The following PPP2R2A variants were observed in gnomAD, a reference collection of about 807,000 sequenced individuals.
The protein encoded by PPP2R2A is protein phosphatase 2 regulatory subunit Balpha.
PPP2R2A carries 9 observed loss-of-function variants against 53.2 expected under a neutral mutation model. That is an observed-to-expected ratio of 0.17 (90% CI 0.10 to 0.30). The LOEUF is 0.30. PPP2R2A is among the 10% of genes least tolerant of loss of function. The pLI, the probability that PPP2R2A is intolerant of heterozygous loss-of-function variation, is 1.00. For synonymous variants in PPP2R2A, 169 were observed against 174.2 expected, an observed-to-expected ratio of 0.97 and a Z score of 0.23; for missense variants, 235 against 534.6, an observed-to-expected ratio of 0.44 and a Z score of 5.53.
Position 26,362,878 on chromosome 8 carries a change from A to T in PPP2R2A, c.802+30A>T. The T allele has an allele frequency of 6.3e-7, 1 of 1,590,794 alleles. No homozygotes were observed. The highest frequency in any genetic ancestry group is 8.6e-7 in the Non-Finnish European group (1 of 1,162,562). On this transcript the variant is annotated intron_variant, in intron 7 of 9. Transcript: ENST00000380737. The surrounding 1 kb of genome is among the most constrained non-coding windows in gnomAD (Gnocchi z 4.4). ...GTTTATTGTATCTTTCCTTAAAATG[A>T]TTACATATTCTGTTTGTCTGAAATA... is the stretch of plus-strand genomic sequence containing the variant.
At chr8:26,358,095 A>T (rs1804885904) in intron 4 of PPP2R2A, among the ~76,000 whole-genome samples, 1 of 152,122 alleles carries the variant, frequency 6.6e-6, no homozygotes, top group Admixed American at 6.5e-5. Flanking sequence ...TTACTGAAAA[A>T]TGTATCCTAA....
chr8:26,352,851 A>AT (rs911404364), intron 3 of PPP2R2A, among the ~76,000 whole-genome samples: 2 of 152,184 alleles, frequency 1.3e-5, no homozygotes, highest in Admixed American at 6.5e-5. Context: ...GCTTACCTTA[A>AT]TTGTGTAGAC....
intron 2 of PPP2R2A, among the ~76,000 whole-genome samples, chr8:26,323,827 C>G (rs1244247644): frequency 6.6e-6 from 1 of 152,192 alleles, no homozygotes; most frequent in African/African-American, 2.4e-5. Flanking sequence ...GTGATCTGCT[C>G]AGTCTTCAGC....
intron 3 of PPP2R2A, among the ~76,000 whole-genome samples, chr8:26,347,225 CAG>C (rs1175913978): frequency 6.7e-6 from 1 of 149,886 alleles, no homozygotes; most frequent in Non-Finnish European, 1.5e-5. Context: ...AATCTTCTCT[CAG>C]AGAGAAACCA....
chr8:26,350,031 C>G (rs1804413875), intron 3 of PPP2R2A, among the ~76,000 whole-genome samples: 1 of 151,968 alleles, frequency 6.6e-6, no homozygotes, highest in East Asian at 1.9e-4. Context: ...AAATTTAACA[C>G]TTTGTGGGTA....
chr8:26,310,065 G>A (rs558171279), intron 2 of PPP2R2A, among the ~76,000 whole-genome samples: 3 of 149,814 alleles, frequency 2.0e-5, no homozygotes, highest in Non-Finnish European at 4.5e-5. Context: ...GGCGGATCAC[G>A]AGGTCAAGAT....
rs1251770401 is a variant in PPP2R2A at position 26,354,482 on chromosome 8, T to A, written c.195T>A (p.Ser65=). ...FQQEQENKIQ[S]HSRGEYNVYS... ...TTTCATTTTAGAACAAAATCCAGTC[T>A]CATAGCAGAGGAGAATATAATGTTT... Residue 65 remains serine, a synonymous_variant, in exon 4 of 10, where the codon TCT becomes TCA. Coordinates refer to ENST00000380737, the MANE Select transcript of PPP2R2A (RefSeq NM_002717.4). This position sits in a 1 kb window ranked among gnomAD's most constrained non-coding sequence, Gnocchi z 4.6. The A allele has an allele frequency of 6.4e-7, 1 of 1,553,386 alleles. No individual in the cohort carries two copies. Among genetic ancestry groups the A allele is most frequent in the Admixed American group, 1.9e-5 (1 of 52,752 alleles).
chr8:26,343,906 A>G (rs756235572), intron 3 of PPP2R2A, among the ~76,000 whole-genome samples: 2 of 152,170 alleles, frequency 1.3e-5, no homozygotes, highest in Non-Finnish European at 2.9e-5. Flanking sequence ...TAGTGAAAAT[A>G]AATGTGTACA....
chr8:26,311,973 G>C (rs1802311747), intron 2 of PPP2R2A, among the ~76,000 whole-genome samples: 1 of 152,142 alleles, frequency 6.6e-6, no homozygotes, highest in African/African-American at 2.4e-5. Flanking sequence ...AAAACACCCT[G>C]CTATTGGCTC....
rs755417671 is a variant in PPP2R2A at position 26,334,548 on chromosome 8, A to T, written c.83-4342A>T. ...ATCACAAGGTCAGGAGATTGAGACCATCCTGGCTAACACGGTGAAACCCCG... is the reference window on the plus strand; with the variant it reads ...ATCACAAGGTCAGGAGATTGAGACCTTCCTGGCTAACACGGTGAAACCCCG... On this transcript the variant is annotated intron_variant, in intron 2 of 9. Coordinates refer to ENST00000380737, the MANE Select transcript of PPP2R2A (RefSeq NM_002717.4). Among the ~76,000 whole-genome samples, 11 of 152,238 alleles carry T rather than the reference A, an allele frequency of 7.2e-5. No individual in the cohort carries two copies. The South Asian group carries it at 1.2e-3, about 17-fold the overall frequency.
At position 26,342,678 on chromosome 8, in the gene PPP2R2A, G is replaced by A. The variant is rs1295958295; in HGVS notation, c.180+3691G>A. Among the ~76,000 whole-genome samples the A allele has an allele frequency of 2.2e-4, 34 of 152,132 alleles. 1 individual carries two copies. In the South Asian group the frequency reaches 6.8e-3, roughly 31 times the overall value. On this transcript the variant is annotated intron_variant, in intron 3 of 9. Transcript: ENST00000380737. ...TTTATAATTTTTCTAGGTTGGTATG[G>A]GGCCTTTGATTTTTGTTTTCTAGGG...
chr8:26,318,660 C>T (rs1248388926), intron 2 of PPP2R2A, among the ~76,000 whole-genome samples: 2 of 152,026 alleles, frequency 1.3e-5, no homozygotes, highest in African/African-American at 4.8e-5. Flanking sequence ...AGGGTTATTC[C>T]TTACTTCCCT....
At chr8:26,314,896 C>G (rs1008515942) in intron 2 of PPP2R2A, among the ~76,000 whole-genome samples, 4 of 145,500 alleles carry the variant, frequency 2.7e-5, no homozygotes, top group African/African-American at 1.0e-4. Flanking sequence ...CTTCCCCCCC[C>G]CCCCCCCAAC....
intron 9 of PPP2R2A, among the ~76,000 whole-genome samples, chr8:26,368,931 C>G (rs537339696): frequency 1.8e-4 from 28 of 152,016 alleles, no homozygotes; most frequent in Admixed American, 4.6e-4. Flanking sequence ...GTGGTGAAAC[C>G]CTGTCTCTAC....
chr8:26,349,977 T>C (rs1219029267), intron 3 of PPP2R2A, among the ~76,000 whole-genome samples: 10 of 152,252 alleles, frequency 6.6e-5, no homozygotes, highest in Admixed American at 6.5e-4. Flanking sequence ...TTATGGCTGT[T>C]CTACATCTTT....
At chr8:26,303,117 A>G (rs1187801302) in intron 2 of PPP2R2A, among the ~76,000 whole-genome samples, 1 of 152,152 alleles carries the variant, frequency 6.6e-6, no homozygotes, top group African/African-American at 2.4e-5. Flanking sequence ...AGTTTCTGTG[A>G]CTTGAAATTG....
At chr8:26,364,862 C>T (rs1805285238) in intron 8 of PPP2R2A, among the ~76,000 whole-genome samples, 1 of 152,082 alleles carries the variant, frequency 6.6e-6, no homozygotes, top group Non-Finnish European at 1.5e-5. Flanking sequence ...GGATGCAAAC[C>T]CCTCAAATAT....
chr8:26,325,934 C>G (rs369149692), intron 2 of PPP2R2A, among the ~76,000 whole-genome samples: 1 of 152,168 alleles, frequency 6.6e-6, no homozygotes, highest in African/African-American at 2.4e-5. Context: ...CTACTGGGCT[C>G]AAGCCATCCT....
chr8:26,343,187 AAAAT>A (rs368854842), intron 3 of PPP2R2A, among the ~76,000 whole-genome samples: 125 of 152,152 alleles, frequency 8.2e-4, no homozygotes, highest in African/African-American at 2.9e-3. Flanking sequence ...CTAATAATAA[AAAAT>A]AAATAAATAA....
Sources: allele counts gnomAD v4.1 joint callset (sites outside exome capture counted in the v4.1 genomes callset), GRCh38; gene constraint gnomAD v4.1.1; non-coding constraint Gnocchi (gnomAD v3.1); transcripts MANE v1.5; gene names NCBI Gene and HGNC (gene_info 2026-07-23, HGNC 2026-07-21).